Variants in ASRGL1 observed in about 807,000 individuals in gnomAD.
The protein encoded by ASRGL1 is asparaginase and isoaspartyl peptidase 1.
ASRGL1 carries 16 observed loss-of-function variants against 22.4 expected under a neutral mutation model. That is an observed-to-expected ratio of 0.71 (90% CI 0.48 to 1.08). The LOEUF (loss-of-function observed/expected upper bound fraction) is 1.08, where lower values mean the gene tolerates loss of function less well. Among genes scored for constraint, ASRGL1 ranks in the 50% least tolerant of loss-of-function variants. The pLI is 0.00. For missense variants in ASRGL1, 412 were observed against 410.1 expected (o/e 1.00, Z -0.04); for synonymous variants, 165 against 159.3 (o/e 1.04, Z -0.27).
At chr11:62,380,740 T>C (rs919920810) in intron 4 of ASRGL1, among the ~76,000 whole-genome samples, 1 of 152,062 alleles carries the variant, frequency 6.6e-6, no homozygotes, top group Admixed American at 6.5e-5. Context: ...TCCATACTGT[T>C]TTACTCCCTC....
rs145134775 is a variant in ASRGL1 at position 62,370,206 on chromosome 11, G to A, written c.491+13062G>A. ...GGTCCATGGACACAGGGATCCACACGCCTTCTCTTGCTCTCACTAGCAGAA... is the reference window on the plus strand; with the variant it reads ...GGTCCATGGACACAGGGATCCACACACCTTCTCTTGCTCTCACTAGCAGAA... On this transcript the variant is annotated intron_variant, in intron 4 of 6. Transcript: ENST00000415229. 2.9e-3 allele frequency among the ~76,000 whole-genome samples: 439 copies of A among 152,300 alleles called. 4 individuals are homozygous for A. Among genetic ancestry groups the A allele is most frequent in the African/African-American group, 0.01 (419 of 41,538 alleles).
At chr11:62,379,018 G>C (rs966885796) in intron 4 of ASRGL1, among the ~76,000 whole-genome samples, 1 of 151,990 alleles carries the variant, frequency 6.6e-6, no homozygotes, top group Admixed American at 6.6e-5. Flanking sequence ...TGACTCCTGA[G>C]GCTGTATAAT....
chr11:62,381,027 T>C (rs1590752516), intron 4 of ASRGL1, among the ~76,000 whole-genome samples: 1 of 152,182 alleles, frequency 6.6e-6, no homozygotes, highest in Admixed American at 6.5e-5. Flanking sequence ...ACTGATTTTC[T>C]GGGGGCGGCC....
intron 2 of ASRGL1, among the ~76,000 whole-genome samples, chr11:62,338,947 A>AAAAAAAC (rs1265432757): frequency 6.6e-6 from 1 of 151,516 alleles, no homozygotes; most frequent in African/African-American, 2.4e-5. Flanking sequence ...AAAAAAAAAA[A>AAAAAAAC]AACTGAAAAA....
At chr11:62,357,229 G>GTTTTGTTTTGTTTTA in intron 4 of ASRGL1, 85 bp downstream of exon 4, 2 of 822,612 alleles carry the variant, frequency 2.4e-6, no homozygotes, top group Non-Finnish European at 3.6e-6. Flanking sequence ...CAGTTCTTTT[G>GTTTTGTTTTGTTTTA]TTTTGTTTTG....
At chr11:62,395,114 C>A (rs1947415604), downstream of ASRGL1, among the ~76,000 whole-genome samples, 1 of 152,190 alleles carries the variant, frequency 6.6e-6, no homozygotes, top group South Asian at 2.1e-4. Context: ...CTCTTCCTGA[C>A]CTTCATTTTC....
intron 4 of ASRGL1, chr11:62,371,902 C>G (rs564131001): frequency 3.6e-6 from 2 of 557,896 alleles, no homozygotes; most frequent in African/African-American, 2.0e-5. Context: ...TGCAGTGGGC[C>G]GAGATCGCGC....
At chr11:62,348,358 G>T (rs1186591926) in intron 2 of ASRGL1, among the ~76,000 whole-genome samples, 1 of 152,098 alleles carries the variant, frequency 6.6e-6, no homozygotes, top group Non-Finnish European at 1.5e-5. Flanking sequence ...GCAGTTTAGG[G>T]AAAGGGGTGC....
intron 4 of ASRGL1, among the ~76,000 whole-genome samples, chr11:62,380,853 G>T (rs1947048608): frequency 6.6e-6 from 1 of 152,150 alleles, no homozygotes; most frequent in South Asian, 2.1e-4. Context: ...TCGGTACTGG[G>T]AATTGCCACG....
At chr11:62,376,083 G>A (rs558474384) in intron 4 of ASRGL1, among the ~76,000 whole-genome samples, 3 of 135,924 alleles carry the variant, frequency 2.2e-5, no homozygotes, top group South Asian at 4.8e-4. Context: ...GCCTGGTGAC[G>A]GAGCAAGACT....
rs769345105 is a variant in ASRGL1 at position 62,389,167 on chromosome 11, T to G, written c.526T>G (p.Cys176Gly). ...LGTVGAVALD[C>G]KGNVAYATST... The stretch of plus-strand genomic sequence containing the variant: ...AACCGTGGGTGCTGTTGCCTTGGAC[T>G]GCAAAGGGAATGTAGCCTACGCAAC... The change falls in exon 5 of 7, where the codon TGC (cysteine) becomes GGC (glycine). Residue 176 changes from cysteine (C) to glycine (G), a missense_variant. By Grantham distance (159) the Cys-to-Gly change is radical (BLOSUM62 -3). Transcript: ENST00000415229. 5.0e-6 allele frequency: 8 copies of G among 1,614,114 alleles called. No homozygotes were observed. The highest frequency in any genetic ancestry group is 6.8e-6 in the Non-Finnish European group (8 of 1,179,966).
rs1001364672 is a variant in ASRGL1, at chr11:62,383,848, C to T, written c.492-5285C>T. On this transcript the variant is annotated intron_variant, in intron 4 of 6. Transcript: ENST00000415229. ...CTGAGGCAGGAGAACTGCTAGAACC[C>T]AGTTGCAGTGAGCCGAAATCACACC... is the stretch of plus-strand genomic sequence containing the variant. 1.5e-4 allele frequency among the ~76,000 whole-genome samples: 21 copies of T among 144,168 alleles called. 2 individuals are homozygous for T. Among genetic ancestry groups the T allele is most frequent in the African/African-American group, 4.1e-4 (16 of 38,644 alleles). 94.6% of individuals were successfully genotyped at this position (144,168 alleles called of 152,430 possible).
chr11:62,362,891 ATTTTTTTTTTTTTTTTTTTTTTTTTTTT>A (rs60507577), intron 4 of ASRGL1, among the ~76,000 whole-genome samples: 7,233 of 50,342 alleles, frequency 0.14, 354 homozygotes, highest in Non-Finnish European at 0.19. Flanking sequence ...AAAGGATTTA[ATTTTTTTTTTTTTTTTTTTTTTTTTTTT>A]TTTTTTTTTT....
At chr11:62,377,246 A>G (rs9667211) in intron 4 of ASRGL1, among the ~76,000 whole-genome samples, 149,837 of 152,298 alleles carry the variant, frequency 0.98, 73,852 homozygotes, top group Middle Eastern at 1. Flanking sequence ...GTGTGTGCCC[A>G]AATATGAGTA....
rs556769441 is a variant in ASRGL1 at position 62,389,489 on chromosome 11, C to T, written c.610+238C>T. 110 of 564,992 alleles carry T rather than the reference C, an allele frequency of 1.9e-4. 3 individuals are homozygous for T. Among genetic ancestry groups the T allele is most frequent in the Non-Finnish European group, 2.6e-5 (8 of 301,908 alleles). 35.0% of individuals were successfully genotyped at this position (564,992 alleles called of 1,614,324 possible). A position where few individuals can be genotyped will look rare whatever the true frequency, so the allele number is the denominator to read the frequency against. On this transcript the variant is annotated intron_variant, in intron 5 of 6. Transcript: ENST00000415229. ...TAGATTGCATGCCTTTTTGGAACAACTTGGGGAGAGAAGTGGAGACAGGGA... is the reference window on the plus strand; with the variant it reads ...TAGATTGCATGCCTTTTTGGAACAATTTGGGGAGAGAAGTGGAGACAGGGA...
rs1195909690 is a variant in ASRGL1, at chr11:62,392,222, A to G, written c.865A>G (p.Lys289Glu). The change falls in exon 7 of 7, where the codon AAG becomes GAG. Residue 289 changes from lysine (K) to glutamate (E), a missense_variant. Lys to Glu is a moderately conservative substitution (Grantham distance 56). Coordinates refer to ENST00000415229, the MANE Select transcript of ASRGL1 (RefSeq NM_001083926.2). ...CACCTCCATGCCCTGGGCAGCCGCC[A>G]AGGACGGCAAGCTGCACTTCGGAAT... is the stretch of plus-strand genomic sequence containing the variant. ...TSTSMPWAAA[K>E]DGKLHFGIDP... 6.2e-7 allele frequency: 1 copy of G among 1,614,238 alleles called. No homozygotes were observed. The highest frequency in any genetic ancestry group is 1.7e-5 in the Admixed American group (1 of 60,032).
chr11:62,352,065 G>T (rs914513650), intron 2 of ASRGL1, among the ~76,000 whole-genome samples: 2 of 152,130 alleles, frequency 1.3e-5, no homozygotes, highest in African/African-American at 4.8e-5. Flanking sequence ...GAATGTTTAT[G>T]TCCCCCTCAA....
chr11:62,368,996 C>A (rs1261321378), intron 4 of ASRGL1, among the ~76,000 whole-genome samples: 1 of 152,138 alleles, frequency 6.6e-6, no homozygotes, highest in Non-Finnish European at 1.5e-5. Flanking sequence ...TGCAAAGAGG[C>A]CTTCCTCTTT....
chr11:62,375,731 C>T (rs924860237), intron 4 of ASRGL1, among the ~76,000 whole-genome samples: 5 of 151,428 alleles, frequency 3.3e-5, no homozygotes, highest in East Asian at 2.0e-4. Context: ...AAATTAAGGG[C>T]GGGAAAGCCA....
Sources: allele counts gnomAD v4.1 joint callset (sites outside exome capture counted in the v4.1 genomes callset), GRCh38; gene constraint gnomAD v4.1.1; transcripts MANE v1.5; gene names NCBI Gene and HGNC (gene_info 2026-07-23, HGNC 2026-07-21).